Variants in STRBP observed in about 807,000 individuals in gnomAD.
The protein encoded by STRBP is spermatid perinuclear RNA-binding protein.
Under a neutral mutation model 80.1 loss-of-function variants are expected in STRBP, and 13 were observed. The observed-to-expected ratio is 0.16, with a 90% CI of 0.11 to 0.26. STRBP has a LOEUF of 0.26. Ranked by LOEUF, STRBP falls within the 10% of genes least tolerant of loss-of-function variation. STRBP has a pLI of 1.00. For missense variants in STRBP, 485 were observed against 815.2 expected (o/e 0.59, Z 4.93); for synonymous variants, 284 against 291.2 (o/e 0.98, Z 0.25).
At chr9:123,254,786 T>C (rs1802591370) in intron 1 of STRBP, among the ~76,000 whole-genome samples, 2 of 152,312 alleles carry the variant, frequency 1.3e-5, no homozygotes, top group Admixed American at 6.5e-5. Flanking sequence ...TGGGTCCTAC[T>C]GACTCCTATT....
chr9:123,228,710 AGAT>A (rs991229309), intron 2 of STRBP, among the ~76,000 whole-genome samples: 6 of 152,244 alleles, frequency 3.9e-5, no homozygotes, highest in African/African-American at 1.2e-4. Flanking sequence ...AGAGAGAACA[AGAT>A]GAAGAAACTT....
intron 14 of STRBP, 147 bp downstream of exon 14, chr9:123,139,382 T>C (rs1308923219): frequency 2.9e-6 from 2 of 697,096 alleles, no homozygotes; most frequent in Non-Finnish European, 4.3e-6. Context: ...TGGATGGAAA[T>C]AAACCAAAAT....
intron 2 of STRBP, among the ~76,000 whole-genome samples, chr9:123,230,499 T>C (rs576277837): frequency 6.6e-6 from 1 of 152,320 alleles, no homozygotes; most frequent in South Asian, 2.1e-4. Flanking sequence ...AAATACTTAT[T>C]GATGGATACA....
At chr9:123,158,977 A>G in intron 9 of STRBP, 119 bp downstream of exon 9, 1 of 721,300 alleles carries the variant, frequency 1.4e-6, no homozygotes, top group Admixed American at 2.7e-5. Flanking sequence ...CAAAATTCCA[A>G]GCAAAAGAAC....
chr9:123,250,990 G>T (rs1197088520), intron 1 of STRBP, among the ~76,000 whole-genome samples: 1 of 152,034 alleles, frequency 6.6e-6, no homozygotes, highest in Non-Finnish European at 1.5e-5. Flanking sequence ...TAATTAGCCA[G>T]GTCTGGTAAT....
At chr9:123,142,514 C>T (rs9942913) in intron 13 of STRBP, among the ~76,000 whole-genome samples, 89 of 152,240 alleles carry the variant, frequency 5.8e-4, no homozygotes, top group African/African-American at 2.0e-3. Flanking sequence ...CATCACTGCC[C>T]AGGTGGTATC....
chr9:123,158,112 T>C lies in STRBP; in HGVS notation c.945A>G (p.Arg315=). Residue 315 remains arginine, a synonymous_variant, in exon 11 of 19, where the codon AGA becomes AGG. Transcript: ENST00000348403. ...TGTAAATCTGGCCAAAGGCTGATAG[T>C]CTGAGTGCATGCTAAAGAACAAAGT... is the stretch of plus-strand genomic sequence containing the variant. The part of the protein sequence containing the change: ...DITHSAQHAL[R]LSAFGQIYKV... The C allele has an allele frequency of 6.2e-7, 1 of 1,609,844 alleles. No individual in the cohort carries two copies. The highest frequency in any genetic ancestry group is 8.5e-7 in the Non-Finnish European group (1 of 1,177,536).
chr9:123,191,141 G>T (rs1347422840), intron 2 of STRBP, among the ~76,000 whole-genome samples: 1 of 152,146 alleles, frequency 6.6e-6, no homozygotes, highest in Non-Finnish European at 1.5e-5. Flanking sequence ...GAAATGCTTG[G>T]AAAAGAGAGG....
At chr9:123,166,775 ACAACAACAAC>A (rs2037780221) in intron 6 of STRBP, among the ~76,000 whole-genome samples, 1 of 151,572 alleles carries the variant, frequency 6.6e-6, no homozygotes, top group Non-Finnish European at 1.5e-5. Flanking sequence ...AACAACAACA[ACAACAACAAC>A]AACAACAAAA....
intron 8 of STRBP, 119 bp from the exon 9 acceptor site, chr9:123,159,326 T>C: frequency 1.7e-6 from 1 of 602,994 alleles, no homozygotes; most frequent in Non-Finnish European, 2.8e-6. Flanking sequence ...AATTTAACAT[T>C]TAGGACCCAC....
intron 2 of STRBP, among the ~76,000 whole-genome samples, chr9:123,230,603 T>C (rs149157368): frequency 0.012 from 1,757 of 152,300 alleles, 12 homozygotes; most frequent in Non-Finnish European, 0.018. Context: ...CTATCTGCCT[T>C]CCAGACTACA....
chr9:123,237,195 G>A (rs1057027516), intron 1 of STRBP, among the ~76,000 whole-genome samples: 1 of 152,148 alleles, frequency 6.6e-6, no homozygotes, highest in Non-Finnish European at 1.5e-5. Context: ...GCAAACCACA[G>A]CAGTGAGCTA....
intron 1 of STRBP, among the ~76,000 whole-genome samples, chr9:123,255,330 G>A (rs1455170438): frequency 6.6e-6 from 1 of 152,236 alleles, no homozygotes; most frequent in Non-Finnish European, 1.5e-5. Flanking sequence ...AAAAACAGGA[G>A]TATGGTATGG....
intron 11 of STRBP, among the ~76,000 whole-genome samples, chr9:123,153,191 A>T (rs1234641708): frequency 2.8e-5 from 4 of 141,134 alleles, no homozygotes; most frequent in East Asian, 2.0e-4. Flanking sequence ...TTCTAGACTC[A>T]TTTTTTTTTT....
At chr9:123,133,002 A>G in intron 16 of STRBP, 34 bp from the exon 17 acceptor site, 1 of 1,605,656 alleles carries the variant, frequency 6.2e-7, no homozygotes, top group Non-Finnish European at 8.5e-7. Context: ...TACTGAAAGA[A>G]ATAAGAACCA....
At chr9:123,218,781 C>A (rs1217312456) in intron 2 of STRBP, among the ~76,000 whole-genome samples, 1 of 152,086 alleles carries the variant, frequency 6.6e-6, no homozygotes, top group Non-Finnish European at 1.5e-5. Flanking sequence ...TTATGATTAA[C>A]CATGTGCCAG....
chr9:123,260,701 G>A (rs1270963529), intron 1 of STRBP, among the ~76,000 whole-genome samples: 5 of 152,082 alleles, frequency 3.3e-5, no homozygotes, highest in African/African-American at 9.7e-5. Flanking sequence ...AGTATATGAT[G>A]TCTAAGATTG....
Position 123,240,946 on chromosome 9 carries a change from G to A in STRBP, c.-301-3980C>T, listed in dbSNP as rs180687183. Among the ~76,000 whole-genome samples the A allele has an allele frequency of 5.3e-5, 8 of 152,306 alleles. No homozygotes were observed. The East Asian group carries it at 1.5e-3, about 29-fold the overall frequency. ...TGTAATCCCAGCACTTTGGGAGGCTGAGGCGAGTGGATCATCTGTGGTTGG... is the reference window on the plus strand; with the variant it reads ...TGTAATCCCAGCACTTTGGGAGGCTAAGGCGAGTGGATCATCTGTGGTTGG... On this transcript the variant is annotated intron_variant, in intron 1 of 18. Transcript: ENST00000348403.
At chr9:123,261,433 C>T (rs770950802) in intron 1 of STRBP, among the ~76,000 whole-genome samples, 1 of 152,152 alleles carries the variant, frequency 6.6e-6, no homozygotes, top group Non-Finnish European at 1.5e-5. Flanking sequence ...GCCTCCATTT[C>T]CCTAAATGTA....
Sources: gnomAD v4.1 joint callset for allele counts (sites outside exome capture counted in the v4.1 genomes callset) on GRCh38, gnomAD v4.1.1 for gene constraint, MANE v1.5 for transcripts, NCBI Gene and HGNC (gene_info 2026-07-23, HGNC 2026-07-21) for gene names.